The following TNRC6A variants were observed in gnomAD, a reference collection of about 807,000 sequenced individuals.
TNRC6A encodes the protein trinucleotide repeat-containing gene 6A protein.
In TNRC6A, 44 loss-of-function variants were observed where a neutral mutation model predicts 221.2. The ratio of observed to expected loss-of-function variants is 0.20; its 90% confidence interval spans 0.16 to 0.26. The LOEUF is 0.26. Ranked by LOEUF, TNRC6A falls within the 10% of genes least tolerant of loss-of-function variation. TNRC6A has a pLI of 1.00. For missense variants in TNRC6A, 2,199 were observed against 2,404.4 expected (o/e 0.91, Z 1.79); for synonymous variants, 847 against 838.5 (o/e 1.01, Z -0.18).
intron 22 of TNRC6A, chr16:24,821,785 T>C (rs2058770809): frequency 4.5e-6 from 2 of 446,494 alleles, no homozygotes; most frequent in Admixed American, 3.5e-5. Context: ...TTTTAGCTCC[T>C]ATCAATGAGA....
At position 24,789,470 on chromosome 16, in the gene TNRC6A, A is replaced by T. The variant is rs762466699; in HGVS notation, c.828A>T (p.Thr276=). Residue 276 remains threonine (T), a synonymous_variant, in exon 6 of 25, where the codon ACA becomes ACT. Transcript: ENST00000395799. ...TCACTATCATGGCTTCAGGGAACAC[A>T]GGTGGTGAAAAAGATGGCCTTCGGA... is the stretch of plus-strand genomic sequence containing the variant. ...RNITIMASGN[T]GGEKDGLRNS... is the part of the protein sequence containing the mutation. 5 of 1,614,100 alleles carry T rather than the reference A, an allele frequency of 3.1e-6. No homozygotes were observed. In the African/African-American group the frequency reaches 4.0e-5, roughly 13 times the overall value.
At chr16:24,777,823 T>C (rs1200181853) in intron 5 of TNRC6A, among the ~76,000 whole-genome samples, 1 of 152,130 alleles carries the variant, frequency 6.6e-6, no homozygotes, top group Non-Finnish European at 1.5e-5. Context: ...CTGGCACTCA[T>C]AGAAATTATA....
intron 1 of TNRC6A, among the ~76,000 whole-genome samples, chr16:24,622,426 C>A (rs1273925616): frequency 6.6e-6 from 1 of 151,996 alleles, no homozygotes; most frequent in East Asian, 1.9e-4. Flanking sequence ...CATGGTGAAA[C>A]CCTGTTTCTG....
rs72770424 is a variant in TNRC6A at position 24,817,039 on chromosome 16, C to T, written c.4972+83C>T. 85,761 of 1,418,094 alleles carry T rather than the reference C, an allele frequency of 0.06. 2,949 individuals are homozygous for T. The highest frequency in any genetic ancestry group is 0.084 in the Middle Eastern group (455 of 5,386). The allele number at this position is 1,418,094 out of a possible 1,614,324, so 87.8% of individuals were successfully genotyped here. A position where few individuals can be genotyped will look rare whatever the true frequency, so the allele number is the denominator to read the frequency against. On this transcript the variant is annotated intron_variant, in intron 20 of 24. Coordinates refer to ENST00000395799, the MANE Select transcript of TNRC6A (RefSeq NM_014494.4). ...TCATGTAGTACCCAGCTACTCTGGG[C>T]GACTGAGCCCAGGGTACTCTGGGAT...
intron 2 of TNRC6A, among the ~76,000 whole-genome samples, chr16:24,715,775 G>A (rs1022624995): frequency 2.6e-5 from 4 of 151,784 alleles, no homozygotes; most frequent in African/African-American, 7.3e-5. Flanking sequence ...ATGCCACCAA[G>A]CCTGGCTAAA....
intron 4 of TNRC6A, among the ~76,000 whole-genome samples, chr16:24,775,528 G>C (rs1245259303): frequency 6.6e-6 from 1 of 152,234 alleles, no homozygotes; most frequent in African/African-American, 2.4e-5. Flanking sequence ...AGAGCTGAGA[G>C]TGTGGAAGAG....
At chr16:24,641,503 T>C (rs1257792618) in intron 2 of TNRC6A, among the ~76,000 whole-genome samples, 1 of 152,216 alleles carries the variant, frequency 6.6e-6, no homozygotes, top group African/African-American at 2.4e-5. Context: ...GGTTAGTGGT[T>C]GGTAAAGTTG....
intron 11 of TNRC6A, among the ~76,000 whole-genome samples, chr16:24,798,435 T>C (rs2058265568): frequency 2.6e-5 from 4 of 152,208 alleles, no homozygotes; most frequent in Admixed American, 2.6e-4. Context: ...ATTTGAACTT[T>C]ATTCTTAAAA....
chr16:24,798,042 C>A, intron 11 of TNRC6A, 76 bp downstream of exon 11: 1 of 1,333,306 alleles, frequency 7.5e-7, no homozygotes, highest in Non-Finnish European at 1.1e-6. Flanking sequence ...ACTGAAAGAG[C>A]CCTGACGTAG....
At chr16:24,704,612 C>T in intron 2 of TNRC6A, among the ~76,000 whole-genome samples, 1 of 129,858 alleles carries the variant, frequency 7.7e-6, no homozygotes, top group African/African-American at 2.9e-5. Context: ...TTACAGTGAG[C>T]CAACATCACA....
Position 24,823,088 on chromosome 16 carries a change from G to A in TNRC6A, c.5513+75G>A. On this transcript the variant is annotated intron_variant, in intron 24 of 24. Transcript: ENST00000395799. This position sits in a 1 kb window ranked among gnomAD's most constrained non-coding sequence, Gnocchi z 4.3. ...TGAGAGCACAGCCTGACCCGGGGCA[G>A]TGCACAGGGTCCTGCGTGGGTGGCT... 6.3e-7 allele frequency: 1 copy of A among 1,585,142 alleles called. No individual in the cohort carries two copies. The highest frequency in any genetic ancestry group is 8.6e-7 in the Non-Finnish European group (1 of 1,157,884).
At position 24,809,439 on chromosome 16, in the gene TNRC6A, A is replaced by G. The variant is rs370170349; in HGVS notation, c.4630A>G (p.Ile1544Val). The G allele has an allele frequency of 1.3e-6, 2 of 1,595,726 alleles. No individual in the cohort carries two copies. The highest frequency in any genetic ancestry group is 1.7e-6 in the Non-Finnish European group (2 of 1,169,812). Residue 1544 changes from isoleucine to valine, a missense_variant, in exon 18 of 25, where the codon ATT (isoleucine) becomes GTT (valine). Physicochemically the swap from Ile to Val is conservative, Grantham distance 29. This residue lies in a region of TNRC6A where 449 missense variants were observed against 579.7 expected (regional missense o/e 0.77). Transcript: ENST00000395799. ...RLRKWTTVDS[I>V]SVNTSLDQNS... ...AAGGAAGTGGACGACAGTGGACAGCATTTCTGTGAACACATCTTTGGATCA... is the reference window on the plus strand; with the variant it reads ...AAGGAAGTGGACGACAGTGGACAGCGTTTCTGTGAACACATCTTTGGATCA...
At chr16:24,633,236 G>C (rs1185091593) in intron 1 of TNRC6A, among the ~76,000 whole-genome samples, 4 of 152,022 alleles carry the variant, frequency 2.6e-5, no homozygotes, top group African/African-American at 9.7e-5. Flanking sequence ...TCCTTTGTAG[G>C]TTTAAGATCT....
chr16:24,711,153 G>A (rs1480984552), intron 2 of TNRC6A, among the ~76,000 whole-genome samples: 1 of 151,994 alleles, frequency 6.6e-6, no homozygotes, highest in African/African-American at 2.4e-5. Context: ...GGGATTACAG[G>A]CGCGCATTGC....
chr16:24,770,043 T>A (rs2057557348), intron 4 of TNRC6A, among the ~76,000 whole-genome samples: 1 of 152,224 alleles, frequency 6.6e-6, no homozygotes, highest in Admixed American at 6.5e-5. Context: ...GAGGGCAATC[T>A]GGTTGTCATA....
At chr16:24,818,079 G>A (rs1006866844) in intron 20 of TNRC6A, among the ~76,000 whole-genome samples, 1 of 152,188 alleles carries the variant, frequency 6.6e-6, no homozygotes, top group Admixed American at 6.5e-5. Context: ...AGCTCAACTA[G>A]AGTAGTGGTC....
intron 1 of TNRC6A, among the ~76,000 whole-genome samples, chr16:24,626,160 C>A (rs1453382259): frequency 6.6e-6 from 1 of 151,952 alleles, no homozygotes; most frequent in Non-Finnish European, 1.5e-5. Flanking sequence ...CCAATTCCTC[C>A]CTCTCCCATC....
intron 4 of TNRC6A, among the ~76,000 whole-genome samples, chr16:24,762,227 G>T (rs1174767317): frequency 2.6e-5 from 4 of 152,066 alleles, no homozygotes; most frequent in African/African-American, 7.2e-5. Flanking sequence ...ATTTTTTCCT[G>T]CCACAATTGG....
chr16:24,652,815 T>C (rs1267633600), intron 2 of TNRC6A, among the ~76,000 whole-genome samples: 1 of 152,186 alleles, frequency 6.6e-6, no homozygotes, highest in Non-Finnish European at 1.5e-5. Flanking sequence ...TCCCTGTAGA[T>C]TAAGTTTACC....
Sources: allele counts gnomAD v4.1 joint callset (sites outside exome capture counted in the v4.1 genomes callset), GRCh38; gene constraint gnomAD v4.1.1; regional missense constraint gnomAD v4.1.1; non-coding constraint Gnocchi (gnomAD v3.1); transcripts MANE v1.5; gene names NCBI Gene and HGNC (gene_info 2026-07-23, HGNC 2026-07-21).